Variants in PCDHA2 observed in about 807,000 individuals in gnomAD.
PCDHA2 encodes protocadherin alpha-2.
Under a neutral mutation model 66.0 loss-of-function variants are expected in PCDHA2, and 58 were observed. The observed-to-expected ratio is 0.88, with a 90% CI of 0.71 to 1.09. The LOEUF (loss-of-function observed/expected upper bound fraction) is 1.09. Among genes scored for constraint, PCDHA2 ranks in the 50% least tolerant of loss-of-function variants. The pLI, the probability that PCDHA2 is intolerant of heterozygous loss-of-function variation, is 0.00. For missense variants in PCDHA2, 1,267 were observed against 1,242.3 expected, an observed-to-expected ratio of 1.02 and a Z score of -0.30; for synonymous variants, 634 against 554.0, an observed-to-expected ratio of 1.14 and a Z score of -2.03.
At chr5:141,001,974 C>T (rs1375819013) in intron 3 of PCDHA2, among the ~76,000 whole-genome samples, 1 of 152,136 alleles carries the variant, frequency 6.6e-6, no homozygotes, top group African/African-American at 2.4e-5. Flanking sequence ...TGTCTCTGCG[C>T]GGAAAGCCTG....
chr5:140,947,549 C>T (rs530708816), intron 1 of PCDHA2, among the ~76,000 whole-genome samples: 11 of 151,312 alleles, frequency 7.3e-5, no homozygotes, highest in Admixed American at 2.0e-4. Context: ...CAAAGAATTC[C>T]GCTGGGATTT....
chr5:140,824,033 G>A, intron 1 of PCDHA2: 2 of 1,614,182 alleles, frequency 1.2e-6, no homozygotes, highest in Non-Finnish European at 1.7e-6. Context: ...TCGCAGCAGA[G>A]GAGACAGAGG....
chr5:140,958,137 A>G (rs1237826000), intron 1 of PCDHA2, among the ~76,000 whole-genome samples: 2 of 152,112 alleles, frequency 1.3e-5, no homozygotes, highest in Admixed American at 6.6e-5. Flanking sequence ...ATCAGTGTGT[A>G]TATTTATATA....
At chr5:140,965,356 A>T (rs1554227617) in intron 1 of PCDHA2, among the ~76,000 whole-genome samples, 3 of 152,194 alleles carry the variant, frequency 2.0e-5, no homozygotes, top group African/African-American at 7.2e-5. Flanking sequence ...CCTCTATAGC[A>T]GTACAAGAGG....
Position 140,795,531 on chromosome 5 carries a change from C to G in PCDHA2, c.567C>G (p.Ser189Arg). 2.5e-6 allele frequency: 4 copies of G among 1,614,044 alleles called. No homozygotes were observed. The highest frequency in any genetic ancestry group is 2.5e-6 in the Non-Finnish European group (3 of 1,180,008). Residue 189 changes from serine (S) to arginine (R), a missense_variant, in exon 1 of 4, where the codon AGC becomes AGG. Coordinates refer to ENST00000526136, the MANE Select transcript of PCDHA2 (RefSeq NM_018905.3). ...ATATACAGGCAAATGATGAACTAAG[C>G]GAATCTTTGTCTCTCGTGCTGGGGA... ...FLDIQANDEL[S>R]ESLSLVLGKS...
chr5:140,871,008 C>A lies in PCDHA2; in HGVS notation c.2388+73656C>A, dbSNP rs782247452. Reference sequence around the variant, plus strand: ...CGGGCGAGATAAGCACAACGCGTGCCCTGGACGAGGCAGACTCGCCGCGCC... The same window carrying A: ...CGGGCGAGATAAGCACAACGCGTGCACTGGACGAGGCAGACTCGCCGCGCC... On this transcript the variant is annotated intron_variant, in intron 1 of 3. Transcript: ENST00000526136. The A allele has an allele frequency of 5.6e-6, 9 of 1,613,284 alleles. No homozygotes were observed. The African/African-American group carries it at 1.1e-4, about 19-fold the overall frequency.
intron 1 of PCDHA2, among the ~76,000 whole-genome samples, chr5:140,923,304 G>A (rs933906504): frequency 6.6e-6 from 1 of 152,172 alleles, no homozygotes; most frequent in African/African-American, 2.4e-5. Context: ...TGGGCGTGGG[G>A]GCGCTTGGCC....
chr5:140,898,275 T>C (rs13181478), intron 1 of PCDHA2, among the ~76,000 whole-genome samples: 1 of 152,166 alleles, frequency 6.6e-6, no homozygotes, highest in Non-Finnish European at 1.5e-5. Context: ...ATGCCTAAGT[T>C]CTGAATGGTA....
In PCDHA2 at chr5:140,795,772, G is replaced by C. The variant is rs1761993496; in HGVS notation, c.808G>C (p.Asp270His). The C allele has an allele frequency of 6.2e-7, 1 of 1,613,882 alleles. No homozygotes were observed. The highest frequency in any genetic ancestry group is 8.5e-7 in the Non-Finnish European group (1 of 1,180,000). The stretch of plus-strand genomic sequence containing the variant: ...GGTTAAGTTAAACGCTTCTGATGCA[G>C]ATGAAGGACCGAACAGCGAGATTGT... ...LVVKLNASDA[D>H]EGPNSEIVYS... is the part of the protein sequence containing the mutation. The change falls in exon 1 of 4, where the codon GAT (aspartate) becomes CAT (histidine). Residue 270 changes from aspartate to histidine, a missense_variant. By Grantham distance (81) the Asp-to-His change is moderately conservative (BLOSUM62 -1). Transcript: ENST00000526136.
At chr5:140,863,423 T>A (rs1334887353) in intron 1 of PCDHA2, 2 of 677,498 alleles carry the variant, frequency 3.0e-6, no homozygotes, top group Non-Finnish European at 5.2e-6. Flanking sequence ...TACCGCAGCG[T>A]AGTGGGATCT....
In PCDHA2 at chr5:140,801,976, T is replaced by C. The variant is rs148995634; in HGVS notation, c.2388+4624T>C. The stretch of plus-strand genomic sequence containing the variant: ...CTCGAAAATGCACCAAATGGTACCC[T>C]AGTGGTGACCGTTAACGCCACCGAT... On this transcript the variant is annotated intron_variant, in intron 1 of 3. Coordinates refer to ENST00000526136, the MANE Select transcript of PCDHA2 (RefSeq NM_018905.3). 14 of 1,614,064 alleles carry C rather than the reference T, an allele frequency of 8.7e-6. No homozygotes were observed. In the African/African-American group the frequency reaches 1.9e-4, roughly 22 times the overall value.
Position 140,843,405 on chromosome 5 carries a change from A to T in PCDHA2, c.2388+46053A>T. On this transcript the variant is annotated intron_variant, in intron 1 of 3. Transcript: ENST00000526136. ...TTGGGTCCGGAAGCGGCGCTGGTGG[A>T]TGTCAACGTGTACCTGATCATCGCC... The T allele has an allele frequency of 1.4e-5, 23 of 1,595,948 alleles. 2 individuals are homozygous for T. The highest frequency in any genetic ancestry group is 2.0e-5 in the Non-Finnish European group (23 of 1,165,558).
intron 1 of PCDHA2, among the ~76,000 whole-genome samples, chr5:140,936,457 TG>T (rs782214118): frequency 2.2e-4 from 34 of 152,232 alleles, no homozygotes; most frequent in Non-Finnish European, 4.6e-4. Flanking sequence ...ATCTGTTTAG[TG>T]GTTGCTGTAG....
chr5:140,841,816 C>G (rs2150323334), intron 1 of PCDHA2: 1 of 1,613,928 alleles, frequency 6.2e-7, no homozygotes, highest in East Asian at 2.2e-5. Flanking sequence ...TTGGAGCTAA[C>G]TCCGTGTTAA....
intron 1 of PCDHA2, chr5:140,871,103 C>G (rs202137231): frequency 4.3e-6 from 7 of 1,613,290 alleles, no homozygotes; most frequent in South Asian, 2.2e-5. Flanking sequence ...GTGCTGGTGT[C>G]GTTGGTGGAG....
At chr5:140,964,454 T>C (rs1392277569) in intron 1 of PCDHA2, among the ~76,000 whole-genome samples, 1 of 152,132 alleles carries the variant, frequency 6.6e-6, no homozygotes, top group Admixed American at 6.5e-5. Flanking sequence ...CTGTAATCTC[T>C]TCCTTAAGTG....
intron 1 of PCDHA2, chr5:140,968,976 A>G (rs1410286561): frequency 2.5e-6 from 4 of 1,614,074 alleles, no homozygotes; most frequent in African/African-American, 1.3e-5. Flanking sequence ...TACACTGCGT[A>G]TGGCACTGCA....
intron 1 of PCDHA2, chr5:140,802,625 G>C: frequency 6.2e-7 from 1 of 1,613,960 alleles, no homozygotes; most frequent in Non-Finnish European, 8.5e-7. Flanking sequence ...ACATCTTCAC[G>C]GTGTCTGCGC....
At chr5:140,829,290 C>T (rs1554131868) in intron 1 of PCDHA2, 1 of 1,614,136 alleles carries the variant, frequency 6.2e-7, no homozygotes, top group African/African-American at 1.3e-5. Context: ...CTGGTGTCCA[C>T]CTTCAAGAAT....
Sources: allele counts gnomAD v4.1 joint callset (sites outside exome capture counted in the v4.1 genomes callset), GRCh38; gene constraint gnomAD v4.1.1; transcripts MANE v1.5; gene names NCBI Gene and HGNC (gene_info 2026-07-23, HGNC 2026-07-21).